HTR3A: variants seen among roughly 807,000 people sequenced by gnomAD.
HTR3A encodes 5-hydroxytryptamine receptor 3A.
A neutral mutation model predicts 54.8 loss-of-function variants in HTR3A; 45 were observed. That is an observed-to-expected ratio of 0.82 (90% CI 0.65 to 1.05). HTR3A has a LOEUF of 1.05. Ranked by LOEUF, HTR3A falls within the 50% of genes least tolerant of loss-of-function variation. The probability of loss-of-function intolerance (pLI) is 0.00; values close to 1 mark genes in which losing one functional copy is unlikely to be tolerated. For synonymous variants in HTR3A, 297 were observed against 256.0 expected (o/e 1.16, Z -1.53); for missense variants, 657 against 614.0 (o/e 1.07, Z -0.74).
chr11:113,986,824 G>T lies in HTR3A; in HGVS notation c.917-1G>T. 6.2e-7 allele frequency: 1 copy of T among 1,614,002 alleles called. No individual in the cohort carries two copies. Among genetic ancestry groups the T allele is most frequent in the African/African-American group, 1.3e-5 (1 of 75,024 alleles). ...TCTTGCCTCTGCCCTGGGCTGCACA[G>T]GTGTCTACTTTGTGGTGTGCATGGC... On this transcript the variant is annotated splice_acceptor_variant, in intron 7 of 8. Coordinates refer to ENST00000504030, the MANE Select transcript of HTR3A (RefSeq NM_000869.6). LOFTEE classifies it high-confidence loss of function.
chr11:113,975,274 G>A lies in HTR3A; in HGVS notation c.-52G>A. The A allele has an allele frequency of 7.5e-6, 12 of 1,597,088 alleles. No individual in the cohort carries two copies. Among genetic ancestry groups the A allele is most frequent in the Non-Finnish European group, 1.0e-5 (12 of 1,168,372 alleles). On this transcript the variant is annotated 5_prime_UTR_variant, in exon 1 of 9. In the 5' UTR this introduces an upstream ATG that the reference lacks. Coordinates refer to ENST00000504030, the MANE Select transcript of HTR3A (RefSeq NM_000869.6). ...CAGAGGGCAGGCAAGCTGGCCCTTGGTGGGCCTCGTCCTGAGCACTCGGAG... is the reference window on the plus strand; with the variant it reads ...CAGAGGGCAGGCAAGCTGGCCCTTGATGGGCCTCGTCCTGAGCACTCGGAG...
intron 2 of HTR3A, 25 bp downstream of exon 2, chr11:113,977,947 A>G (rs781707086): frequency 5.6e-6 from 9 of 1,614,012 alleles, no homozygotes; most frequent in African/African-American, 4.0e-5. Flanking sequence ...CGAGCTGCAC[A>G]CAGGCAGACC....
At position 113,983,154 on chromosome 11, in the gene HTR3A, G is replaced by A. The variant is rs139646314; in HGVS notation, c.409G>A (p.Val137Met). The part of the protein sequence containing the change: ...DVGKSPNIPY[V>M]YIRHQGEVQN... ...GGGGAAGTCTCCAAATATCCCGTAC[G>A]TGTATATTCGGCATCAAGGCGAAGT... The change falls in exon 5 of 9, where the codon GTG (valine) becomes ATG (methionine). Residue 137 changes from valine (V) to methionine (M), a missense_variant. By Grantham distance (21) the Val-to-Met change is conservative (BLOSUM62 1). Transcript: ENST00000504030. 107 of 1,614,074 alleles carry A rather than the reference G, an allele frequency of 6.6e-5. No individual in the cohort carries two copies. The highest frequency in any genetic ancestry group is 6.4e-4 in the South Asian group (58 of 91,092).
chr11:113,975,305 C>T lies in HTR3A; in HGVS notation c.-21C>T, dbSNP rs1950338961. The T allele has an allele frequency of 4.3e-6, 7 of 1,613,150 alleles. No homozygotes were observed. The highest frequency in any genetic ancestry group is 5.9e-6 in the Non-Finnish European group (7 of 1,179,912). On this transcript the variant is annotated 5_prime_UTR_variant, in exon 1 of 9. Transcript: ENST00000504030. Reference sequence around the variant, plus strand: ...CTCGTCCTGAGCACTCGGAGGCACTCCTATGCTTGGAAAGCTCGCTATGCT... The same window carrying T: ...CTCGTCCTGAGCACTCGGAGGCACTTCTATGCTTGGAAAGCTCGCTATGCT...
intron 1 of HTR3A, among the ~76,000 whole-genome samples, chr11:113,976,602 TG>T (rs1207962828): frequency 1.6e-4 from 24 of 148,660 alleles, no homozygotes; most frequent in Non-Finnish European, 3.0e-4. Context: ...TGTGTGTGTG[TG>T]TGTGTGTGTG....
At position 113,986,944 on chromosome 11, in the gene HTR3A, C is replaced by G. The variant is rs751866900; in HGVS notation, c.1036C>G (p.Leu346Val). The G allele has an allele frequency of 6.8e-6, 11 of 1,614,066 alleles. No homozygotes were observed. In the East Asian group the frequency reaches 2.5e-4, roughly 36 times the overall value. ...GCCCGTGCCTGCTTGGCTGCGTCAC[C>G]TGGTTCTGGAGAGAATCGCCTGGCT... ...QQPVPAWLRH[L>V]VLERIAWLLC... Residue 346 changes from leucine to valine, a missense_variant, in exon 8 of 9, where the codon CTG (leucine) becomes GTG (valine). Leu to Val is a conservative substitution (Grantham distance 32, BLOSUM62 1). Transcript: ENST00000504030.
chr11:113,975,979 T>G (rs980777281), intron 1 of HTR3A, among the ~76,000 whole-genome samples: 1 of 152,144 alleles, frequency 6.6e-6, no homozygotes, highest in Non-Finnish European at 1.5e-5. Context: ...TCTCTCCACA[T>G]TCGCTACACC....
intron 1 of HTR3A, chr11:113,977,563 G>C (rs1317082592): frequency 6.5e-7 from 1 of 1,545,862 alleles, no homozygotes; most frequent in Admixed American, 2.0e-5. Flanking sequence ...GAATGCATAG[G>C]TCCTTTCTAC....
rs778196923 is a variant in HTR3A at position 113,986,898 on chromosome 11, G to T, written c.990G>T (p.Val330=). 1.2e-6 allele frequency: 2 copies of T among 1,614,164 alleles called. No individual in the cohort carries two copies. Among genetic ancestry groups the T allele is most frequent in the East Asian group, 2.2e-5 (1 of 44,870 alleles). The change falls in exon 8 of 9, where the codon GTG becomes GTT. Residue 330 remains valine (V), a synonymous_variant. Coordinates refer to ENST00000504030, the MANE Select transcript of HTR3A (RefSeq NM_000869.6). ...AGACCATCTTCATTGTGCGGCTGGT[G>T]CACAAGCAAGACCTGCAGCAGCCCG... The part of the protein sequence containing the change: ...LAETIFIVRL[V]HKQDLQQPVP...
Position 113,989,397 on chromosome 11 carries a change from A to T in HTR3A, c.1139-68A>T. On this transcript the variant is annotated intron_variant, in intron 8 of 8. Transcript: ENST00000504030. The surrounding 1 kb of genome is among the most constrained non-coding windows in gnomAD (Gnocchi z 4.4). Reference sequence around the variant, plus strand: ...ACAAAAATTTACAGGCTATAGAAGCATAAGGAACCATGTTCAGGTCACCAC... The same window carrying T: ...ACAAAAATTTACAGGCTATAGAAGCTTAAGGAACCATGTTCAGGTCACCAC... 2.6e-6 allele frequency: 4 copies of T among 1,565,276 alleles called. No homozygotes were observed. The highest frequency in any genetic ancestry group is 3.5e-6 in the Non-Finnish European group (4 of 1,137,366).
At chr11:113,986,761 G>A (rs764117688) in intron 7 of HTR3A, 33 bp downstream of exon 7, 103 of 1,614,036 alleles carry the variant, frequency 6.4e-5, no homozygotes, top group Non-Finnish European at 8.4e-5. Context: ...AGCTCAGTCT[G>A]GTGAGAAACC....
chr11:113,982,760 G>T (rs1407469248), intron 4 of HTR3A, among the ~76,000 whole-genome samples: 1 of 152,186 alleles, frequency 6.6e-6, no homozygotes, highest in African/African-American at 2.4e-5. Context: ...CAGGACTGGC[G>T]ATCCTGGGAG....
chr11:113,983,334 C>A, intron 5 of HTR3A, 45 bp downstream of exon 5: 1 of 1,607,468 alleles, frequency 6.2e-7, no homozygotes, highest in East Asian at 2.2e-5. Context: ...GGTTGGGGGA[C>A]CCCAGGGACA....
At chr11:113,976,646 A>C (rs1950355508) in intron 1 of HTR3A, among the ~76,000 whole-genome samples, 1 of 142,894 alleles carries the variant, frequency 7.0e-6, no homozygotes, top group Admixed American at 7.3e-5. Flanking sequence ...TTCTGAGGGA[A>C]GCCAGTAGCT....
chr11:113,975,646 G>A (rs1950342553), intron 1 of HTR3A, among the ~76,000 whole-genome samples: 1 of 152,124 alleles, frequency 6.6e-6, no homozygotes, highest in Non-Finnish European at 1.5e-5. Context: ...AAGTAGCCTG[G>A]CGTATCAGAA....
intron 1 of HTR3A, among the ~76,000 whole-genome samples, chr11:113,976,501 G>A (rs1254863769): frequency 6.6e-6 from 1 of 151,362 alleles, no homozygotes; most frequent in Non-Finnish European, 1.5e-5. Context: ...CCACTCTGGT[G>A]GACTGTTCTA....
intron 2 of HTR3A, 91 bp from the exon 3 acceptor site, chr11:113,979,142 C>T: frequency 2.0e-6 from 2 of 989,148 alleles, no homozygotes; most frequent in Non-Finnish European, 1.6e-6. Flanking sequence ...GCAATAGGGA[C>T]ACAAGGAAGC....
Position 113,989,709 on chromosome 11 carries a change from G to T in HTR3A, c.1383G>T (p.Val461=). ...KLLFHIYLLA[V]LAYSITLVML... The stretch of plus-strand genomic sequence containing the variant: ...TATTCCACATTTACCTGCTAGCGGT[G>T]CTGGCCTACAGCATCACCCTGGTTA... Residue 461 remains valine (V), a synonymous_variant, in exon 9 of 9, where the codon GTG becomes GTT. Transcript: ENST00000504030. This position sits in a 1 kb window ranked among gnomAD's most constrained non-coding sequence, Gnocchi z 4.4. The T allele has an allele frequency of 6.2e-7, 1 of 1,613,760 alleles. No individual in the cohort carries two copies. Among genetic ancestry groups the T allele is most frequent in the Non-Finnish European group, 8.5e-7 (1 of 1,180,028 alleles).
rs1176713 is a variant in HTR3A, at chr11:113,989,703, A to G, written c.1377A>G (p.Leu459=). The change falls in exon 9 of 9, where the codon CTA becomes CTG. Residue 459 remains leucine (L), a synonymous_variant. Coordinates refer to ENST00000504030, the MANE Select transcript of HTR3A (RefSeq NM_000869.6). This position sits in a 1 kb window ranked among gnomAD's most constrained non-coding sequence, Gnocchi z 4.4. The stretch of plus-strand genomic sequence containing the variant: ...AGCTGCTATTCCACATTTACCTGCT[A>G]GCGGTGCTGGCCTACAGCATCACCC... ...LDKLLFHIYL[L]AVLAYSITLV... 0.23 allele frequency: 368,962 copies of G among 1,613,658 alleles called. 43,846 individuals are homozygous for G. Among genetic ancestry groups the G allele is most frequent in the Admixed American group, 0.37 (22,132 of 60,004 alleles).
Sources: allele counts gnomAD v4.1 joint callset (sites outside exome capture counted in the v4.1 genomes callset), GRCh38; gene constraint gnomAD v4.1.1; non-coding constraint Gnocchi (gnomAD v3.1); transcripts MANE v1.5; gene names NCBI Gene and HGNC (gene_info 2026-07-23, HGNC 2026-07-21).